The following P3H4 variants were observed in gnomAD, a reference collection of about 807,000 sequenced individuals.
P3H4 encodes the protein prolyl 3-hydroxylase family member 4 (inactive), also known as endoplasmic reticulum protein SC65.
In P3H4, 47 loss-of-function variants were observed where a neutral mutation model predicts 52.9. The observed-to-expected ratio is 0.89, with a 90% CI of 0.70 to 1.13. The LOEUF is 1.13. P3H4 is among the 50% of genes most tolerant of loss of function. The pLI is 0.00. For synonymous variants in P3H4, 256 were observed against 267.9 expected, an observed-to-expected ratio of 0.96 and a Z score of 0.44; for missense variants, 585 against 611.0, an observed-to-expected ratio of 0.96 and a Z score of 0.45.
At chr17:41,810,632 G>T in intron 3 of P3H4, 1 of 531,264 alleles carries the variant, frequency 1.9e-6, no homozygotes, top group Non-Finnish European at 3.3e-6. Flanking sequence ...GAAGGCCTAT[G>T]AACCCAAGCT....
chr17:41,806,785 G>A lies in P3H4; in HGVS notation c.1146+11C>T, dbSNP rs373407827. Reference sequence around the variant, plus strand: ...ATCACAGCCCAATCCTGGAAAGCAGGAGGCACTCACCTCATCATCTGACTG... The same window carrying A: ...ATCACAGCCCAATCCTGGAAAGCAGAAGGCACTCACCTCATCATCTGACTG... On this transcript the variant is annotated intron_variant, in intron 6 of 7. Coordinates refer to ENST00000393928, the MANE Select transcript of P3H4 (RefSeq NM_006455.3). 6.4e-5 allele frequency: 103 copies of A among 1,610,878 alleles called. 1 individual carries two copies. Among genetic ancestry groups the A allele is most frequent in the Middle Eastern group, 1.6e-4 (1 of 6,072 alleles).
rs1555614951 is a variant in P3H4, at chr17:41,811,019, C to A, written c.631G>T (p.Ala211Ser). Residue 211 changes from alanine to serine, a missense_variant, in exon 3 of 8, where the codon GCT becomes TCT. Transcript: ENST00000393928. This position sits in a 1 kb window ranked among gnomAD's most constrained non-coding sequence, Gnocchi z 4.8. Reference sequence around the variant, plus strand: ...TCCCCGCTGTTGTAGAGCTTCACAGCCCGGAGGAACACGGCCTGGAAGGGG... The same window carrying A: ...TCCCCGCTGTTGTAGAGCTTCACAGACCGGAGGAACACGGCCTGGAAGGGG... Reference protein sequence around the residue: ...AQPYEAVFLRAVKLYNSGDFR... With the variant: ...AQPYEAVFLRSVKLYNSGDFR... 1 of 1,613,234 alleles carries A rather than the reference C, an allele frequency of 6.2e-7. No individual in the cohort carries two copies. Among genetic ancestry groups the A allele is most frequent in the Admixed American group, 1.7e-5 (1 of 59,992 alleles).
chr17:41,809,246 C>T (rs1378614645), intron 4 of P3H4, among the ~76,000 whole-genome samples: 1 of 152,116 alleles, frequency 6.6e-6, no homozygotes, highest in Non-Finnish European at 1.5e-5. Flanking sequence ...CATGGTGAAA[C>T]CCCGTCTCTA....
intron 6 of P3H4, among the ~76,000 whole-genome samples, chr17:41,804,197 C>T (rs1295077654): frequency 6.6e-6 from 1 of 151,870 alleles, no homozygotes; most frequent in Non-Finnish European, 1.5e-5. Context: ...GTGATCCGCC[C>T]GCCTTGGCCT....
chr17:41,806,946 G>A lies in P3H4; in HGVS notation c.1063-67C>T, dbSNP rs1356053761. The A allele has an allele frequency of 6.2e-6, 8 of 1,281,606 alleles. No individual in the cohort carries two copies. The East Asian group carries it at 1.7e-4, about 27-fold the overall frequency. 79.4% of individuals were successfully genotyped at this position (1,281,606 alleles called of 1,614,324 possible). A position where few individuals can be genotyped will look rare whatever the true frequency, so the allele number is the denominator to read the frequency against. On this transcript the variant is annotated intron_variant, in intron 5 of 7. Transcript: ENST00000393928. ...TGTTGCCAGATGGCAAGAAGCCAGG[G>A]CTCCTAGGATCTGGGCCCACTGGCC...
chr17:41,806,225 A>AAAAT (rs2047672986), intron 6 of P3H4, among the ~76,000 whole-genome samples: 1 of 151,978 alleles, frequency 6.6e-6, no homozygotes, highest in Admixed American at 6.6e-5. Flanking sequence ...TCTCAAAAAA[A>AAAAT]AAAAATAAAT....
chr17:41,804,949 G>T (rs889773002), intron 6 of P3H4, among the ~76,000 whole-genome samples: 12 of 151,832 alleles, frequency 7.9e-5, no homozygotes, highest in African/African-American at 2.9e-4. Context: ...CTCCAGCCTG[G>T]GTGACAGAGT....
In P3H4 at chr17:41,811,083, T is replaced by C; in HGVS notation, c.615+49A>G. ...GTCAGGGCGCCCCCAACATCTCCCC[T>C]CCTCTACTAGCCCTCCTCTACAAGC... On this transcript the variant is annotated intron_variant, in intron 2 of 7. Coordinates refer to ENST00000393928, the MANE Select transcript of P3H4 (RefSeq NM_006455.3). This position sits in a 1 kb window ranked among gnomAD's most constrained non-coding sequence, Gnocchi z 4.8. 1 of 1,609,686 alleles carries C rather than the reference T, an allele frequency of 6.2e-7. No homozygotes were observed. The highest frequency in any genetic ancestry group is 8.5e-7 in the Non-Finnish European group (1 of 1,176,630).
At chr17:41,810,745 G>T in intron 3 of P3H4, 118 bp downstream of exon 3, 9 of 1,278,600 alleles carry the variant, frequency 7.0e-6, no homozygotes, top group Non-Finnish European at 9.5e-6. Flanking sequence ...AACAGACAAG[G>T]CCTTCCTCCC....
At position 41,803,349 on chromosome 17, in the gene P3H4, TC is replaced by T. The variant is rs782502830; in HGVS notation, c.1228del (p.Glu410ArgfsTer73). ...CCACCAGTCAGCATACATGCCCTCC[TC>T]GTAGTCACCCTCCCCCTCAAACTCG... is the stretch of plus-strand genomic sequence containing the variant. The part of the protein sequence containing the change: ...DAEFEGEGDY[E>X]EGMYADWWQE... On this transcript the variant is annotated frameshift_variant, in exon 7 of 8. Transcript: ENST00000393928. LOFTEE classifies it high-confidence loss of function. 6.2e-7 allele frequency: 1 copy of T among 1,614,026 alleles called. No individual in the cohort carries two copies. The highest frequency in any genetic ancestry group is 1.1e-5 in the South Asian group (1 of 91,074).
chr17:41,804,264 T>C (rs118026557), intron 6 of P3H4, among the ~76,000 whole-genome samples: 11,613 of 151,414 alleles, frequency 0.077, 604 homozygotes, highest in East Asian at 0.16. Context: ...ACCATGACTT[T>C]CACTAACTTA....
intron 4 of P3H4, among the ~76,000 whole-genome samples, chr17:41,808,634 C>A (rs1034599174): frequency 2.0e-4 from 31 of 152,198 alleles, no homozygotes; most frequent in Non-Finnish European, 4.4e-4. Flanking sequence ...AGCCATCTGC[C>A]TGCCTGGGCC....
chr17:41,805,059 G>A (rs572570216), intron 6 of P3H4, among the ~76,000 whole-genome samples: 153 of 152,110 alleles, frequency 1.0e-3, no homozygotes, highest in African/African-American at 2.9e-3. Flanking sequence ...GCCGAGGTGG[G>A]TGGATCACAA....
rs782519231 is a variant in P3H4, at chr17:41,803,432, C to G, written c.1147-1G>C. 1 of 1,613,500 alleles carries G rather than the reference C, an allele frequency of 6.2e-7. No homozygotes were observed. Among genetic ancestry groups the G allele is most frequent in the Admixed American group, 1.7e-5 (1 of 59,966 alleles). On this transcript the variant is annotated splice_acceptor_variant, in intron 6 of 7. Transcript: ENST00000393928. LOFTEE classifies it high-confidence loss of function. The stretch of plus-strand genomic sequence containing the variant: ...GCGGTTCTGTCTCCTCCAGCTCCAT[C>G]TAGAGTAGCGCCACGGTTGTGGGAG...
At chr17:41,803,862 C>T (rs782447673) in intron 6 of P3H4, among the ~76,000 whole-genome samples, 6 of 152,112 alleles carry the variant, frequency 3.9e-5, no homozygotes, top group Non-Finnish European at 7.4e-5. Flanking sequence ...GGCTGGAGAC[C>T]TCCCCTGGTG....
chr17:41,810,804 C>CTA (rs1357551304), intron 3 of P3H4, 59 bp downstream of exon 3: 6 of 1,557,184 alleles, frequency 3.9e-6, no homozygotes, highest in Non-Finnish European at 4.4e-6. Context: ...AAGGGGACAT[C>CTA]TGCCTTACCG....
Position 41,807,893 on chromosome 17 carries a change from C to T in P3H4, c.1028G>A (p.Trp343Ter). The change falls in exon 5 of 8, where the codon TGG (tryptophan) becomes TAG (stop). Residue 343 changes from tryptophan (W) to a stop codon, truncating the protein, a stop_gained. Transcript: ENST00000393928. LOFTEE classifies it high-confidence loss of function. ...CTGGAAGTCCTCCTCTTCCAGGCCCCAGCGAGCCCGGTGGAACCGGTAATA... is the reference window on the plus strand; with the variant it reads ...CTGGAAGTCCTCCTCTTCCAGGCCCTAGCGAGCCCGGTGGAACCGGTAATA... ...LVYYRFHRAR[W>*]GLEEEDFQPR... 6.2e-7 allele frequency: 1 copy of T among 1,614,092 alleles called. No individual in the cohort carries two copies. The highest frequency in any genetic ancestry group is 8.5e-7 in the Non-Finnish European group (1 of 1,179,950).
intron 4 of P3H4, among the ~76,000 whole-genome samples, chr17:41,808,302 C>T (rs781823517): frequency 6.6e-6 from 1 of 152,196 alleles, no homozygotes; most frequent in Non-Finnish European, 1.5e-5. Flanking sequence ...CAAGCTTGAT[C>T]TCCCAGGCTT....
chr17:41,809,203 C>G (rs143820379), intron 4 of P3H4, among the ~76,000 whole-genome samples: 1 of 152,268 alleles, frequency 6.6e-6, no homozygotes, highest in Non-Finnish European at 1.5e-5. Flanking sequence ...AGTGGATCAC[C>G]TGAGGTCAGG....
Sources: gnomAD v4.1 joint callset for allele counts (sites outside exome capture counted in the v4.1 genomes callset) on GRCh38, gnomAD v4.1.1 for gene constraint, Gnocchi (gnomAD v3.1) non-coding constraint, MANE v1.5 for transcripts, NCBI Gene and HGNC (gene_info 2026-07-23, HGNC 2026-07-21) for gene names.